The following TMTC1 variants were observed in gnomAD, a reference collection of about 807,000 sequenced individuals.
TMTC1 encodes the protein protein O-mannosyl-transferase TMTC1.
A neutral mutation model predicts 104.8 loss-of-function variants in TMTC1; 73 were observed. The ratio of observed to expected loss-of-function variants is 0.70; its 90% CI spans 0.58 to 0.85. The LOEUF is 0.85. TMTC1 is among the 40% of genes least tolerant of loss of function. The probability of loss-of-function intolerance (pLI) is 0.00; values close to 1 mark genes in which losing one functional copy is unlikely to be tolerated. For missense variants in TMTC1, 1,035 were observed against 1,096.1 expected (o/e 0.94, Z 0.79); for synonymous variants, 434 against 428.7 (o/e 1.01, Z -0.15).
At chr12:29,637,088 AC>A (rs368583038) in intron 5 of TMTC1, among the ~76,000 whole-genome samples, 37,753 of 145,758 alleles carry the variant, frequency 0.26, 5,046 homozygotes, top group African/African-American at 0.31. Flanking sequence ...AATGAGAAAC[AC>A]ACACACACAC....
chr12:29,570,586 G>A (rs897844120), intron 9 of TMTC1, among the ~76,000 whole-genome samples: 5 of 152,202 alleles, frequency 3.3e-5, no homozygotes, highest in East Asian at 3.9e-4. Context: ...GCTCATGCCT[G>A]TAATCTCAGC....
chr12:29,725,291 T>C (rs1279584660), intron 5 of TMTC1, among the ~76,000 whole-genome samples: 1 of 151,874 alleles, frequency 6.6e-6, no homozygotes, highest in Non-Finnish European at 1.5e-5. Context: ...CCTCCGAAAG[T>C]GCTAGGATTA....
chr12:29,731,835 C>T lies in TMTC1; in HGVS notation c.938+19831G>A, dbSNP rs1464299648. Among the ~76,000 whole-genome samples, 10 of 152,258 alleles carry T rather than the reference C, an allele frequency of 6.6e-5. No homozygotes were observed. In the East Asian group the frequency reaches 1.9e-3, roughly 29 times the overall value. On this transcript the variant is annotated intron_variant, in intron 5 of 17. Coordinates refer to ENST00000539277, the MANE Select transcript of TMTC1 (RefSeq NM_001193451.2). Reference sequence around the variant, plus strand: ...ATTCTTCCAAGCCAGAATATGAATTCCCATATGGTTCTGTATTCTTTCCAT... The same window carrying T: ...ATTCTTCCAAGCCAGAATATGAATTTCCATATGGTTCTGTATTCTTTCCAT...
chr12:29,526,541 T>C (rs1015869659), intron 11 of TMTC1, among the ~76,000 whole-genome samples: 2 of 152,204 alleles, frequency 1.3e-5, no homozygotes, highest in Admixed American at 1.3e-4. Context: ...AGAAGTTTTA[T>C]AACCCAGTCA....
At chr12:29,624,271 C>A (rs371442395) in intron 6 of TMTC1, among the ~76,000 whole-genome samples, 1 of 152,126 alleles carries the variant, frequency 6.6e-6, no homozygotes, top group African/African-American at 2.4e-5. Flanking sequence ...TGAGCCACTG[C>A]GCCCAGCAAG....
intron 5 of TMTC1, among the ~76,000 whole-genome samples, chr12:29,694,926 CT>C (rs1941372900): frequency 1.3e-5 from 2 of 148,976 alleles, no homozygotes; most frequent in African/African-American, 2.5e-5. Flanking sequence ...AAGAGCGAAA[CT>C]CCATCTCAAC....
At chr12:29,507,639 C>T (rs1005363823) in intron 17 of TMTC1, among the ~76,000 whole-genome samples, 1 of 152,162 alleles carries the variant, frequency 6.6e-6, no homozygotes, top group Non-Finnish European at 1.5e-5. Flanking sequence ...ACACAACTGT[C>T]CCCACCCTCT....
chr12:29,674,606 T>C (rs1027114027), intron 5 of TMTC1, among the ~76,000 whole-genome samples: 1 of 152,226 alleles, frequency 6.6e-6, no homozygotes, highest in Non-Finnish European at 1.5e-5. Flanking sequence ...ACTCCTTTAG[T>C]TCAGCTGTAA....
At position 29,572,223 on chromosome 12, in the gene TMTC1, A is replaced by C. The variant is rs773184537; in HGVS notation, c.1419-5T>G. On this transcript the variant is annotated splice_region_variant and splice_polypyrimidine_tract_variant and intron_variant, in intron 8 of 17. Transcript: ENST00000539277. ...GGCAGAGTTTGAACTCCAGACCTAA[A>C]ATGAATAAATTTTTAAAAAGAATTA... The C allele has an allele frequency of 1.8e-5, 28 of 1,598,326 alleles. No homozygotes were observed. The South Asian group carries it at 2.5e-4, about 15-fold the overall frequency.
chr12:29,710,922 TATAA>T (rs1941901891), intron 5 of TMTC1, among the ~76,000 whole-genome samples: 1 of 13,040 alleles, frequency 7.7e-5, no homozygotes, highest in Non-Finnish European at 3.8e-4. Flanking sequence ...TATAAATATA[TATAA>T]ATATATTAAT....
intron 5 of TMTC1, among the ~76,000 whole-genome samples, chr12:29,685,540 G>A (rs1591923637): frequency 1.3e-5 from 2 of 151,722 alleles, no homozygotes; most frequent in Admixed American, 1.3e-4. Context: ...TATACCTATG[G>A]TTCTAAAACA....
intron 5 of TMTC1, among the ~76,000 whole-genome samples, chr12:29,727,915 G>A (rs964771939): frequency 2.0e-5 from 3 of 151,954 alleles, no homozygotes; most frequent in South Asian, 2.1e-4. Context: ...TCAGCTTCCC[G>A]AGTAGCTGGG....
At chr12:29,772,108 C>A (rs886366060) in intron 1 of TMTC1, among the ~76,000 whole-genome samples, 1 of 152,156 alleles carries the variant, frequency 6.6e-6, no homozygotes, top group African/African-American at 2.4e-5. Context: ...CTAGGTTTAG[C>A]CTGCAGGTTG....
chr12:29,743,445 C>T (rs1942877431), intron 5 of TMTC1, among the ~76,000 whole-genome samples: 1 of 151,982 alleles, frequency 6.6e-6, no homozygotes, highest in South Asian at 2.1e-4. Flanking sequence ...AGAGAATTTT[C>T]AAATCATTTC....
At chr12:29,687,998 G>A (rs1326051423) in intron 5 of TMTC1, among the ~76,000 whole-genome samples, 1 of 152,126 alleles carries the variant, frequency 6.6e-6, no homozygotes, top group East Asian at 1.9e-4. Context: ...AATTTTGGGG[G>A]AACGTAATTC....
At chr12:29,716,166 A>T (rs1358017331) in intron 5 of TMTC1, among the ~76,000 whole-genome samples, 1 of 152,054 alleles carries the variant, frequency 6.6e-6, no homozygotes, top group Non-Finnish European at 1.5e-5. Context: ...GCACAGGTGC[A>T]TACCACTACA....
intron 6 of TMTC1, among the ~76,000 whole-genome samples, chr12:29,611,184 T>TTTC (rs373880049): frequency 0.23 from 34,244 of 150,968 alleles, 4,734 homozygotes; most frequent in East Asian, 0.38. Flanking sequence ...CTTCTTTTTT[T>TTTC]TTTTTTTTTT....
At chr12:29,511,976 A>G in intron 17 of TMTC1, 67 bp downstream of exon 17, 9 of 1,417,160 alleles carry the variant, frequency 6.4e-6, no homozygotes, top group Non-Finnish European at 9.0e-6. Context: ...ATCCTTTAAG[A>G]AAGAAGACAG....
intron 5 of TMTC1, among the ~76,000 whole-genome samples, chr12:29,645,369 C>A (rs553597620): frequency 6.6e-6 from 1 of 152,080 alleles, no homozygotes; most frequent in Non-Finnish European, 1.5e-5. Context: ...TGAAGCTATG[C>A]CAGCTTATTT....
Sources: gnomAD v4.1 joint callset for allele counts (sites outside exome capture counted in the v4.1 genomes callset) on GRCh38, gnomAD v4.1.1 for gene constraint, MANE v1.5 for transcripts, NCBI Gene and HGNC (gene_info 2026-07-23, HGNC 2026-07-21) for gene names.